KHDRBS2: variants seen among roughly 807,000 people sequenced by gnomAD.
KHDRBS2 encodes KH domain-containing, RNA-binding, signal transduction-associated protein 2.
Under a neutral mutation model 44.3 loss-of-function variants are expected in KHDRBS2, and 26 were observed. The observed-to-expected ratio is 0.59, with a 90% CI of 0.43 to 0.81. The LOEUF (loss-of-function observed/expected upper bound fraction) is 0.81. Among genes scored for constraint, KHDRBS2 ranks in the 40% least tolerant of loss-of-function variants. The probability of loss-of-function intolerance (pLI) is 0.00; values close to 1 mark genes in which losing one functional copy is unlikely to be tolerated. For missense variants in KHDRBS2, 476 were observed against 433.1 expected, an observed-to-expected ratio of 1.10 and a Z score of -0.88; for synonymous variants, 194 against 151.1, an observed-to-expected ratio of 1.28 and a Z score of -2.08.
intron 4 of KHDRBS2, among the ~76,000 whole-genome samples, chr6:61,906,573 G>A (rs955170519): frequency 1.3e-5 from 2 of 150,828 alleles, no homozygotes; most frequent in Admixed American, 6.7e-5. Context: ...CTGGTCTCTG[G>A]TAACCATCAT....
At chr6:61,773,500 T>C (rs1266414140) in intron 6 of KHDRBS2, among the ~76,000 whole-genome samples, 1 of 152,112 alleles carries the variant, frequency 6.6e-6, no homozygotes, top group Non-Finnish European at 1.5e-5. Flanking sequence ...TTTGTTTTTT[T>C]CTTGTAAATT....
rs1478830080 is a variant in KHDRBS2, at chr6:62,063,220, T to C, written c.220-15226A>G. 5.9e-5 allele frequency among the ~76,000 whole-genome samples: 8 copies of C among 135,832 alleles called. 2 individuals are homozygous for C. The highest frequency in any genetic ancestry group is 1.2e-4 in the Non-Finnish European group (7 of 60,648). The allele number at this position is 135,832 out of a possible 152,430, so 89.1% of individuals were successfully genotyped here. A position where few individuals can be genotyped will look rare whatever the true frequency, so the allele number is the denominator to read the frequency against. The stretch of plus-strand genomic sequence containing the variant: ...GAGGTACACGGAGGAACTGGTACCA[T>C]TCCTTCTGAAACTATTCCAATCAAT... On this transcript the variant is annotated intron_variant, in intron 2 of 8. Coordinates refer to ENST00000281156, the MANE Select transcript of KHDRBS2 (RefSeq NM_152688.4).
At chr6:61,900,310 G>A (rs573693044) in intron 5 of KHDRBS2, among the ~76,000 whole-genome samples, 1 of 152,102 alleles carries the variant, frequency 6.6e-6, no homozygotes, top group South Asian at 2.1e-4. Context: ...TATAATTTAA[G>A]TAAACAAACT....
intron 7 of KHDRBS2, among the ~76,000 whole-genome samples, chr6:61,710,905 C>G (rs1770404011): frequency 6.9e-6 from 1 of 145,444 alleles, no homozygotes; most frequent in African/African-American, 2.6e-5. Flanking sequence ...GGCCTCTGAG[C>G]CCCATTCTTC....
At chr6:61,717,924 T>A (rs549186555) in intron 7 of KHDRBS2, among the ~76,000 whole-genome samples, 77 of 152,234 alleles carry the variant, frequency 5.1e-4, no homozygotes, top group African/African-American at 1.8e-3. Context: ...CAGGTAGTAG[T>A]ATCTGTTGGT....
chr6:61,891,003 T>A (rs6918206), intron 6 of KHDRBS2, among the ~76,000 whole-genome samples: 133,009 of 152,218 alleles, frequency 0.87, 58,620 homozygotes, highest in African/African-American at 0.97. Flanking sequence ...ACTCTTAGGA[T>A]TAGCTATAAA....
chr6:61,682,334 A>G (rs1386492613), intron 8 of KHDRBS2, among the ~76,000 whole-genome samples: 1 of 151,930 alleles, frequency 6.6e-6, no homozygotes, highest in African/African-American at 2.4e-5. Context: ...CATTATTATT[A>G]CAACTGATAC....
intron 3 of KHDRBS2, among the ~76,000 whole-genome samples, chr6:62,012,276 A>C (rs1414600923): frequency 6.6e-6 from 1 of 152,154 alleles, no homozygotes; most frequent in East Asian, 1.9e-4. Flanking sequence ...CTCAAAACAC[A>C]TTCCAAAATC....
chr6:61,711,169 G>A (rs1770457168), intron 7 of KHDRBS2, among the ~76,000 whole-genome samples: 1 of 151,536 alleles, frequency 6.6e-6, no homozygotes, highest in African/African-American at 2.4e-5. Flanking sequence ...TTTGTAAGCT[G>A]ACTGACAGTA....
chr6:61,709,475 G>T (rs1770140856), intron 7 of KHDRBS2, among the ~76,000 whole-genome samples: 1 of 151,404 alleles, frequency 6.6e-6, no homozygotes, highest in Admixed American at 6.6e-5. Flanking sequence ...AAATAAGAAG[G>T]AAATATATTT....
At chr6:61,780,330 T>C (rs1050601025) in intron 6 of KHDRBS2, among the ~76,000 whole-genome samples, 4 of 152,046 alleles carry the variant, frequency 2.6e-5, no homozygotes, top group Non-Finnish European at 5.9e-5. Context: ...TGAAACCCCA[T>C]CTCTACTAAA....
intron 1 of KHDRBS2, among the ~76,000 whole-genome samples, chr6:62,179,061 A>G (rs1288738435): frequency 6.6e-6 from 1 of 151,548 alleles, no homozygotes; most frequent in Non-Finnish European, 1.5e-5. Flanking sequence ...TTTCCCCCAA[A>G]TGTTTTCAAA....
the KHDRBS2 span, among the ~76,000 whole-genome samples, chr6:61,608,887 T>C: frequency 2.0e-5 from 3 of 152,336 alleles, no homozygotes; most frequent in East Asian, 3.9e-4. Flanking sequence ...TGAATAGTGC[T>C]GCAGTAAACA....
intron 7 of KHDRBS2, among the ~76,000 whole-genome samples, chr6:61,724,160 T>G (rs1168911053): frequency 6.6e-6 from 1 of 152,132 alleles, no homozygotes; most frequent in African/African-American, 2.4e-5. Context: ...GGGGCCAATA[T>G]TCAATATTGT....
chr6:61,567,305 G>A, the KHDRBS2 span, among the ~76,000 whole-genome samples: 3 of 152,172 alleles, frequency 2.0e-5, no homozygotes, highest in African/African-American at 7.2e-5. Context: ...ATTCAAGAAG[G>A]TCCTAGATCT....
chr6:62,001,333 A>C (rs1458908021), intron 3 of KHDRBS2, among the ~76,000 whole-genome samples: 2 of 152,216 alleles, frequency 1.3e-5, no homozygotes, highest in African/African-American at 2.4e-5. Flanking sequence ...ATATTAAGTA[A>C]GTTTATTTTG....
the KHDRBS2 span, among the ~76,000 whole-genome samples, chr6:61,650,572 T>C: frequency 7.3e-5 from 11 of 151,034 alleles, no homozygotes; most frequent in Non-Finnish European, 1.5e-4. Context: ...GTTATTATCT[T>C]ATGCTGTACA....
chr6:62,038,400 GT>G (rs1785766000), intron 3 of KHDRBS2, among the ~76,000 whole-genome samples: 1 of 151,232 alleles, frequency 6.6e-6, no homozygotes, highest in Non-Finnish European at 1.5e-5. Context: ...GTTTTCTACT[GT>G]TTAACAATGA....
intron 8 of KHDRBS2, among the ~76,000 whole-genome samples, chr6:61,688,745 C>G (rs1296000934): frequency 1.3e-5 from 2 of 151,948 alleles, no homozygotes; most frequent in African/African-American, 4.8e-5. Context: ...GTTTATACCA[C>G]AGTGTGCCTT....
Sources: allele counts gnomAD v4.1 joint callset (sites outside exome capture counted in the v4.1 genomes callset), GRCh38; gene constraint gnomAD v4.1.1; transcripts MANE v1.5; gene names NCBI Gene and HGNC (gene_info 2026-07-23, HGNC 2026-07-21).